Variants in OTUD6B observed in about 807,000 individuals in gnomAD.
OTUD6B encodes the protein deubiquitinase OTUD6B.
In OTUD6B, 41 loss-of-function variants were observed where a neutral mutation model predicts 36.9. That is an observed-to-expected ratio of 1.11 (90% CI 0.87 to 1.44). The LOEUF is 1.44. Among genes scored for constraint, OTUD6B ranks in the 40% most tolerant of loss-of-function variants. The pLI is 0.00. For missense variants in OTUD6B, 356 were observed against 344.8 expected (o/e 1.03, Z -0.26); for synonymous variants, 114 against 114.2 (o/e 1.00, Z 0.01).
intron 2 of OTUD6B, among the ~76,000 whole-genome samples, chr8:91,071,781 C>A (rs895283482): frequency 2.0e-5 from 3 of 152,096 alleles, no homozygotes; most frequent in African/African-American, 7.2e-5. Flanking sequence ...TAAGGGAGAT[C>A]GGCAAAGAAA....
chr8:91,070,860 G>A lies in OTUD6B; in HGVS notation c.83-278G>A, dbSNP rs192010098. 8.8e-3 allele frequency: 1,581 copies of A among 180,448 alleles called. 12 individuals are homozygous for A. The highest frequency in any genetic ancestry group is 0.011 in the Non-Finnish European group (993 of 93,806). 11.2% of individuals were successfully genotyped at this position (180,448 alleles called of 1,614,324 possible). A position where few individuals can be genotyped will look rare whatever the true frequency, so the allele number is the denominator to read the frequency against. On this transcript the variant is annotated intron_variant, in intron 1 of 6. Coordinates refer to ENST00000404789, the MANE Select transcript of OTUD6B (RefSeq NM_016023.5). ...TTTAGGAGGTTCAGAAAGGATACCG[G>A]AAAGATTTAAAACTGGCTACAGTCA...
intron 1 of OTUD6B, 76 bp downstream of exon 1, chr8:91,070,542 A>G (rs1477149800): frequency 7.2e-7 from 1 of 1,388,410 alleles, no homozygotes; most frequent in Non-Finnish European, 9.9e-7. Flanking sequence ...ATTCTGGGGA[A>G]TCTCAAGGCG....
chr8:91,073,795 G>A, intron 2 of OTUD6B, 36 bp from the exon 3 acceptor site: 2 of 1,522,962 alleles, frequency 1.3e-6, no homozygotes, highest in Non-Finnish European at 1.8e-6. Context: ...AATTTAATAA[G>A]TACATTGACT....
chr8:91,080,626 T>TA, intron 4 of OTUD6B, 43 bp from the exon 5 acceptor site: 2 of 1,551,248 alleles, frequency 1.3e-6, no homozygotes, highest in Non-Finnish European at 1.7e-6. Flanking sequence ...TAACATGAGT[T>TA]ACAAAAATTA....
At position 91,085,411 on chromosome 8, in the gene OTUD6B, CAAG is replaced by C. The variant is rs1486806780; in HGVS notation, c.*544_*546del. 1 of 151,734 alleles carries C rather than the reference CAAG, an allele frequency of 6.6e-6. No individual in the cohort carries two copies. The highest frequency in any genetic ancestry group is 2.4e-5 in the African/African-American group (1 of 41,370). The allele number at this position is 151,734 out of a possible 1,614,324, so 9.4% of individuals were successfully genotyped here. On this transcript the variant is annotated 3_prime_UTR_variant, in exon 7 of 7. Coordinates refer to ENST00000404789, the MANE Select transcript of OTUD6B (RefSeq NM_016023.5). ...ACTAATATATATAGCCTTATCAAAGCAAGCTAAGAAGCTTGCTTTAATAATTAA... is the reference window on the plus strand; with the variant it reads ...ACTAATATATATAGCCTTATCAAAGCCTAAGAAGCTTGCTTTAATAATTAA...
rs1188648441 is a variant in OTUD6B, at chr8:91,070,444, C to G, written c.60C>G (p.Arg20=). 3 of 1,579,894 alleles carry G rather than the reference C, an allele frequency of 1.9e-6. No individual in the cohort carries two copies. The highest frequency in any genetic ancestry group is 2.6e-6 in the Non-Finnish European group (3 of 1,162,442). Reference sequence around the variant, plus strand: ...AAGAGCAGCTGCTGAGAAGGCATCGCAAAGAGAAGAAGGAGTTGCAAGGTG... The same window carrying G: ...AAGAGCAGCTGCTGAGAAGGCATCGGAAAGAGAAGAAGGAGTTGCAAGGTG... ...DEEEQLLRRH[R]KEKKELQAKI... is the part of the protein sequence containing the mutation. Residue 20 remains arginine (R), a synonymous_variant, in exon 1 of 7, where the codon CGC becomes CGG. Coordinates refer to ENST00000404789, the MANE Select transcript of OTUD6B (RefSeq NM_016023.5).
At chr8:91,073,513 C>G (rs934608017) in intron 2 of OTUD6B, among the ~76,000 whole-genome samples, 1 of 152,032 alleles carries the variant, frequency 6.6e-6, no homozygotes, top group South Asian at 2.1e-4. Flanking sequence ...CTTATATGTA[C>G]TGGCAGTAGT....
chr8:91,078,861 A>T, intron 4 of OTUD6B, 193 bp downstream of exon 4: 1 of 433,502 alleles, frequency 2.3e-6, no homozygotes, highest in Non-Finnish European at 4.1e-6. Context: ...AGATTTCTTA[A>T]TTACTTAGTT....
rs1033743817 is a variant in OTUD6B, at chr8:91,083,940, C to T, written c.691-68C>T. 45 of 1,533,378 alleles carry T rather than the reference C, an allele frequency of 2.9e-5. No individual in the cohort carries two copies. The African/African-American group carries it at 3.8e-4, about 13-fold the overall frequency. The allele number at this position is 1,533,378 out of a possible 1,614,324, so 95.0% of individuals were successfully genotyped here. A position where few individuals can be genotyped will look rare whatever the true frequency, so the allele number is the denominator to read the frequency against. ...CGTATCCCTGCTCTGACTGGTTGCC[C>T]GTTCACACATATTTGAATGTGATTT... is the stretch of plus-strand genomic sequence containing the variant. On this transcript the variant is annotated intron_variant, in intron 5 of 6. Coordinates refer to ENST00000404789, the MANE Select transcript of OTUD6B (RefSeq NM_016023.5).
intron 6 of OTUD6B, 46 bp from the exon 7 acceptor site, chr8:91,084,738 A>C: frequency 7.3e-7 from 1 of 1,370,734 alleles, no homozygotes; most frequent in Non-Finnish European, 9.7e-7. Context: ...ATATAGAAAA[A>C]TTGCTTTCAT....
At chr8:91,083,176 T>C (rs1812941685) in intron 5 of OTUD6B, among the ~76,000 whole-genome samples, 1 of 152,182 alleles carries the variant, frequency 6.6e-6, no homozygotes, top group Non-Finnish European at 1.5e-5. Flanking sequence ...CATATACATA[T>C]TCTACTCTTT....
At chr8:91,080,135 A>C (rs1045075207) in intron 4 of OTUD6B, among the ~76,000 whole-genome samples, 2 of 152,152 alleles carry the variant, frequency 1.3e-5, no homozygotes, top group African/African-American at 4.8e-5. Context: ...TACTTATGCA[A>C]GTAATGTAAG....
At chr8:91,082,876 T>A (rs1000689138) in intron 5 of OTUD6B, among the ~76,000 whole-genome samples, 1 of 151,186 alleles carries the variant, frequency 6.6e-6, no homozygotes, top group Non-Finnish European at 1.5e-5. Flanking sequence ...CCTGGTTAAT[T>A]TTTGTATTTT....
chr8:91,077,172 G>A (rs111578514), intron 3 of OTUD6B, among the ~76,000 whole-genome samples: 3 of 151,674 alleles, frequency 2.0e-5, no homozygotes, highest in Admixed American at 6.6e-5. Flanking sequence ...AGCAGTTTCC[G>A]CTTGAGTGTA....
rs112577281 is a variant in OTUD6B, at chr8:91,073,656, C to A, written c.235-175C>A. The A allele has an allele frequency of 1.4e-3, 844 of 596,522 alleles. 1 individual carries two copies. In the African/African-American group the frequency reaches 0.016, roughly 11 times the overall value. The allele number at this position is 596,522 out of a possible 1,614,324, so 37.0% of individuals were successfully genotyped here. ...GGATGAGCATGATCTTTGAAAGAAA[C>A]TTCTTGGGAACTTGTCAAATTCTTC... On this transcript the variant is annotated intron_variant, in intron 2 of 6. Coordinates refer to ENST00000404789, the MANE Select transcript of OTUD6B (RefSeq NM_016023.5).
chr8:91,079,866 C>A (rs1812867771), intron 4 of OTUD6B, among the ~76,000 whole-genome samples: 1 of 152,118 alleles, frequency 6.6e-6, no homozygotes, highest in African/African-American at 2.4e-5. Flanking sequence ...TTGAAGGCCG[C>A]TGTGTGCCAA....
In OTUD6B at chr8:91,082,600, C is replaced by T. The variant is rs547405501; in HGVS notation, c.691-1408C>T. 2.0e-4 allele frequency among the ~76,000 whole-genome samples: 30 copies of T among 151,838 alleles called. No homozygotes were observed. The South Asian group carries it at 5.6e-3, about 29-fold the overall frequency. On this transcript the variant is annotated intron_variant, in intron 5 of 6. Transcript: ENST00000404789. ...GTCTCGAACGCCTGAGTTCAAGTGA[C>T]TTTGACAAGTCTTGTAACCCTTTTT... is the stretch of plus-strand genomic sequence containing the variant.
chr8:91,083,247 T>C (rs1029232828), intron 5 of OTUD6B, among the ~76,000 whole-genome samples: 1 of 152,130 alleles, frequency 6.6e-6, no homozygotes, highest in Non-Finnish European at 1.5e-5. Context: ...TGAAAAACTT[T>C]AAAAAAATAA....
At chr8:91,071,634 C>T (rs1307266882) in intron 2 of OTUD6B, among the ~76,000 whole-genome samples, 1 of 152,200 alleles carries the variant, frequency 6.6e-6, no homozygotes, top group Non-Finnish European at 1.5e-5. Flanking sequence ...AGGCGTGAGC[C>T]ACCGTGCCCG....
Sources: allele counts gnomAD v4.1 joint callset (sites outside exome capture counted in the v4.1 genomes callset), GRCh38; gene constraint gnomAD v4.1.1; transcripts MANE v1.5; gene names NCBI Gene and HGNC (gene_info 2026-07-23, HGNC 2026-07-21).